Variants in COL24A1 observed in about 807,000 individuals in gnomAD.
COL24A1 encodes collagen alpha-1(XXIV) chain.
In COL24A1, 224 loss-of-function variants were observed where a neutral mutation model predicts 253.9. That is an observed-to-expected ratio of 0.88 (90% CI 0.79 to 0.99). COL24A1 has a LOEUF of 0.99. Among genes scored for constraint, COL24A1 ranks in the 50% least tolerant of loss-of-function variants. COL24A1 has a pLI of 0.00. For synonymous variants in COL24A1, 685 were observed against 673.7 expected (o/e 1.02, Z -0.26); for missense variants, 2,131 against 2,068.5 (o/e 1.03, Z -0.59).
rs1039838754 is a variant in COL24A1 at position 85,775,605 on chromosome 1, G to T, written c.4374+69C>A. ...CATAATAATGGATAACTCTAACAGG[G>T]TCCTTGCTTTCATGGAGCTTATAGC... On this transcript the variant is annotated intron_variant, in intron 53 of 59. Transcript: ENST00000370571. 4.0e-6 allele frequency: 5 copies of T among 1,258,582 alleles called. No individual in the cohort carries two copies. The African/African-American group carries it at 6.1e-5, about 15-fold the overall frequency. 78.0% of individuals were successfully genotyped at this position (1,258,582 alleles called of 1,614,324 possible). A position where few individuals can be genotyped will look rare whatever the true frequency, so the allele number is the denominator to read the frequency against.
intron 37 of COL24A1, among the ~76,000 whole-genome samples, chr1:85,863,173 T>C (rs889362175): frequency 3.3e-5 from 5 of 152,246 alleles, no homozygotes; most frequent in Non-Finnish European, 7.3e-5. Flanking sequence ...TTTTGTATGC[T>C]GAGACTTTGC....
chr1:86,036,356 A>G (rs1699021853), intron 12 of COL24A1, among the ~76,000 whole-genome samples: 1 of 152,138 alleles, frequency 6.6e-6, no homozygotes. Context: ...TATTCTTGAT[A>G]GAGATAATTT....
At chr1:86,101,354 C>G (rs1214108984) in intron 5 of COL24A1, among the ~76,000 whole-genome samples, 1 of 152,138 alleles carries the variant, frequency 6.6e-6, no homozygotes, top group Non-Finnish European at 1.5e-5. Context: ...GACTCCCTCT[C>G]TTCCTATTTG....
At chr1:86,049,235 A>T (rs1460591946) in intron 11 of COL24A1, among the ~76,000 whole-genome samples, 1 of 152,220 alleles carries the variant, frequency 6.6e-6, no homozygotes, top group African/African-American at 2.4e-5. Context: ...TTTGATTGTC[A>T]TTACAGCATA....
intron 42 of COL24A1, among the ~76,000 whole-genome samples, chr1:85,840,968 C>A (rs889760015): frequency 2.0e-5 from 3 of 152,014 alleles, no homozygotes; most frequent in Admixed American, 6.5e-5. Context: ...ATCATGCCTT[C>A]AATGCAGAAA....
intron 1 of COL24A1, among the ~76,000 whole-genome samples, chr1:86,148,549 C>A (rs1478718229): frequency 6.7e-6 from 1 of 149,986 alleles, no homozygotes; most frequent in Non-Finnish European, 1.5e-5. Flanking sequence ...CCTTCCTGTG[C>A]CCATGTGTTT....
chr1:85,763,037 C>T (rs1666992785), intron 53 of COL24A1, among the ~76,000 whole-genome samples: 1 of 152,096 alleles, frequency 6.6e-6, no homozygotes, highest in Admixed American at 6.5e-5. Context: ...AATATGATTC[C>T]AACAATATAA....
intron 9 of COL24A1, 80 bp from the exon 10 acceptor site, chr1:86,058,055 T>A (rs1021936531): frequency 9.1e-7 from 1 of 1,100,528 alleles, no homozygotes; most frequent in Non-Finnish European, 1.3e-6. Context: ...AAAGGCCATA[T>A]AAAGAGCTAT....
intron 43 of COL24A1, among the ~76,000 whole-genome samples, chr1:85,830,258 C>A (rs1675031229): frequency 6.6e-6 from 1 of 152,108 alleles, no homozygotes; most frequent in African/African-American, 2.4e-5. Flanking sequence ...CAGGGACCCA[C>A]TTGAGGAGGC....
intron 13 of COL24A1, 151 bp from the exon 14 acceptor site, chr1:86,032,073 T>C: frequency 1.7e-6 from 1 of 577,406 alleles, no homozygotes; most frequent in Non-Finnish European, 3.0e-6. Context: ...AATCTATGCA[T>C]CCTCCTGAGA....
At chr1:85,852,690 C>T (rs1462434128) in intron 37 of COL24A1, among the ~76,000 whole-genome samples, 3 of 152,020 alleles carry the variant, frequency 2.0e-5, no homozygotes, top group South Asian at 2.1e-4. Context: ...ACCATTTTTA[C>T]AAATATTTTG....
chr1:85,963,418 G>A (rs373319073), intron 23 of COL24A1, among the ~76,000 whole-genome samples: 2 of 152,080 alleles, frequency 1.3e-5, no homozygotes, highest in East Asian at 3.8e-4. Context: ...GTGCTACTTA[G>A]TTTTAAGGGA....
intron 59 of COL24A1, among the ~76,000 whole-genome samples, chr1:85,734,091 C>T (rs754029964): frequency 8.6e-5 from 13 of 150,972 alleles, no homozygotes; most frequent in African/African-American, 2.7e-4. Context: ...TTAATAGAGA[C>T]GGGGTTTCAC....
At chr1:85,913,596 G>T (rs187339734) in intron 24 of COL24A1, among the ~76,000 whole-genome samples, 1 of 152,172 alleles carries the variant, frequency 6.6e-6, no homozygotes, top group Non-Finnish European at 1.5e-5. Flanking sequence ...CGGCCACTTT[G>T]GGCTTCTTAT....
intron 14 of COL24A1, among the ~76,000 whole-genome samples, chr1:86,025,221 A>T (rs79527384): frequency 6.6e-6 from 1 of 152,166 alleles, no homozygotes; most frequent in African/African-American, 2.4e-5. Context: ...CTACCAACTC[A>T]TCTTCCATAA....
intron 37 of COL24A1, among the ~76,000 whole-genome samples, chr1:85,853,919 G>A (rs1678110616): frequency 1.3e-5 from 2 of 152,070 alleles, no homozygotes; most frequent in Admixed American, 1.3e-4. Context: ...TAGGTTGTCT[G>A]TTTACTCTTT....
At chr1:86,137,335 C>T (rs572599375) in intron 2 of COL24A1, among the ~76,000 whole-genome samples, 18 of 152,214 alleles carry the variant, frequency 1.2e-4, no homozygotes, top group Admixed American at 1.1e-3. Flanking sequence ...ATGTACCAAG[C>T]ACTATTCTAA....
intron 33 of COL24A1, among the ~76,000 whole-genome samples, chr1:85,876,817 T>C (rs1681218400): frequency 6.6e-6 from 1 of 152,230 alleles, no homozygotes; most frequent in African/African-American, 2.4e-5. Flanking sequence ...AGTATTCTTC[T>C]ATACAGGGCA....
chr1:86,012,667 C>T (rs1696617347), intron 19 of COL24A1, among the ~76,000 whole-genome samples: 1 of 152,036 alleles, frequency 6.6e-6, no homozygotes, highest in African/African-American at 2.4e-5. Context: ...TATGTTCACA[C>T]AGCAGCCAGA....
Sources: allele counts gnomAD v4.1 joint callset (sites outside exome capture counted in the v4.1 genomes callset), GRCh38; gene constraint gnomAD v4.1.1; transcripts MANE v1.5; gene names NCBI Gene and HGNC (gene_info 2026-07-23, HGNC 2026-07-21).